The following CFAP251 variants were observed in gnomAD, a reference collection of about 807,000 sequenced individuals.
The protein encoded by CFAP251 is cilia- and flagella-associated protein 251.
A neutral mutation model predicts 126.7 loss-of-function variants in CFAP251; 93 were observed. The ratio of observed to expected loss-of-function variants is 0.73; its 90% CI spans 0.62 to 0.87. The LOEUF (loss-of-function observed/expected upper bound fraction) is 0.87, where lower values mean the gene tolerates loss of function less well. CFAP251 is among the 40% of genes least tolerant of loss of function. The probability of loss-of-function intolerance (pLI) is 0.00; values close to 1 mark genes in which losing one functional copy is unlikely to be tolerated. For missense variants in CFAP251, 1,287 were observed against 1,389.2 expected (o/e 0.93, Z 1.17); for synonymous variants, 503 against 506.9 (o/e 0.99, Z 0.10).
intron 4 of CFAP251, 117 bp downstream of exon 4, chr12:121,932,003 C>T: frequency 1.9e-6 from 2 of 1,066,892 alleles, no homozygotes; most frequent in Non-Finnish European, 2.5e-6. Flanking sequence ...TCCCACTCTC[C>T]TTGGAACTAA....
rs778957006 is a variant in CFAP251 at position 121,957,165 on chromosome 12, G to C, written c.1627G>C (p.Ala543Pro). Residue 543 changes from alanine (A) to proline (P), a missense_variant, in exon 11 of 22, where the codon GCC becomes CCC. Ala to Pro is a conservative substitution (Grantham distance 27). Transcript: ENST00000288912. ...VNWYSHLKLG[A>P]IRTLSFSKTP... is the part of the protein sequence containing the mutation. ...CTGGTACAGTCACTTGAAACTGGGC[G>C]CCATAAGAACTCTGTCCTTTTCAAA... 11 of 1,613,956 alleles carry C rather than the reference G, an allele frequency of 6.8e-6. No individual in the cohort carries two copies. The highest frequency in any genetic ancestry group is 9.3e-6 in the Non-Finnish European group (11 of 1,179,968).
intron 13 of CFAP251, among the ~76,000 whole-genome samples, chr12:121,960,282 A>G (rs1278860281): frequency 6.6e-6 from 1 of 151,960 alleles, no homozygotes. Flanking sequence ...GAAGTGCAAC[A>G]GATCTTGGCT....
At chr12:121,962,287 AGAG>A in intron 15 of CFAP251, 125 bp downstream of exon 15, 1 of 850,266 alleles carries the variant, frequency 1.2e-6, no homozygotes, top group Non-Finnish European at 1.8e-6. Context: ...TTTGCTTTGC[AGAG>A]GAGGAGACTG....
chr12:121,975,602 A>G lies in CFAP251; in HGVS notation c.2923A>G (p.Thr975Ala), dbSNP rs564088590. The change falls in exon 19 of 22, where the codon ACC becomes GCC. Residue 975 changes from threonine to alanine, a missense_variant. Thr to Ala is a moderately conservative substitution (Grantham distance 58). Transcript: ENST00000288912. ...CAGTCAAGGCATCGACACAATGGAG[A>G]CCAGAAAGGTGTCAGAACACATTTG... Reference protein sequence around the residue: ...LRSQGIDTMETRKVSEHICLS... With the variant: ...LRSQGIDTMEARKVSEHICLS... 10 of 1,604,482 alleles carry G rather than the reference A, an allele frequency of 6.2e-6. No individual in the cohort carries two copies. The South Asian group carries it at 1.1e-4, about 18-fold the overall frequency.
Position 121,963,972 on chromosome 12 carries a change from C to T in CFAP251, c.2492+1810C>T, listed in dbSNP as rs192910833. Among the ~76,000 whole-genome samples the T allele has an allele frequency of 2.2e-3, 334 of 151,948 alleles. 1 individual carries two copies. The highest frequency in any genetic ancestry group is 9.8e-3 in the South Asian group (47 of 4,804). ...AAGAAGGATGGAGGCAGGAGAAGTT[C>T]GAAGGGAGAATGTTTCAGTGATCCA... is the stretch of plus-strand genomic sequence containing the variant. On this transcript the variant is annotated intron_variant, in intron 15 of 21. Transcript: ENST00000288912.
rs752656854 is a variant in CFAP251 at position 122,003,706 on chromosome 12, T to C, written c.3392T>C (p.Phe1131Ser). The change falls in exon 22 of 22, where the codon TTC becomes TCC. Residue 1131 changes from phenylalanine to serine, a missense_variant. By Grantham distance (155) the Phe-to-Ser change is radical (BLOSUM62 -2). Transcript: ENST00000288912. ...CCAGACGAAATCACTGCAGAAATATTCGCGACTGAAATTCTTGGCTTAACC... is the reference window on the plus strand; with the variant it reads ...CCAGACGAAATCACTGCAGAAATATCCGCGACTGAAATTCTTGGCTTAACC... ...ELPDEITAEI[F>S]ATEILGLTIS... 3.5e-5 allele frequency: 57 copies of C among 1,610,380 alleles called. No individual in the cohort carries two copies. The highest frequency in any genetic ancestry group is 4.5e-5 in the Non-Finnish European group (53 of 1,179,010).
intron 19 of CFAP251, among the ~76,000 whole-genome samples, chr12:121,990,589 A>C (rs1232038647): frequency 6.6e-6 from 1 of 152,128 alleles, no homozygotes; most frequent in Non-Finnish European, 1.5e-5. Context: ...CACCTCTTCC[A>C]GGAAGCCTTC....
chr12:121,923,491 C>G, intron 2 of CFAP251, 131 bp from the exon 3 acceptor site: 1 of 1,226,914 alleles, frequency 8.2e-7, no homozygotes, highest in Admixed American at 2.6e-5. Context: ...AATGTTCCAG[C>G]CTCTTTTAAA....
chr12:121,954,645 A>AAAAAC (rs1881654771), intron 10 of CFAP251, among the ~76,000 whole-genome samples: 1 of 134,244 alleles, frequency 7.4e-6, no homozygotes, highest in Non-Finnish European at 1.7e-5. Context: ...TTAAAAAAAA[A>AAAAAC]AAAAAAAAAA....
intron 19 of CFAP251, among the ~76,000 whole-genome samples, chr12:121,983,072 A>G (rs949315395): frequency 1.3e-5 from 2 of 152,190 alleles, no homozygotes; most frequent in African/African-American, 4.8e-5. Flanking sequence ...CTCTGCTAAT[A>G]AACAATTAGC....
chr12:121,990,565 C>A (rs532641195), intron 19 of CFAP251, among the ~76,000 whole-genome samples: 64 of 152,330 alleles, frequency 4.2e-4, no homozygotes, highest in African/African-American at 1.3e-3. Flanking sequence ...CCCTTCATGG[C>A]TCTGCAGTAG....
intron 10 of CFAP251, among the ~76,000 whole-genome samples, chr12:121,956,656 T>C: frequency 6.6e-6 from 1 of 152,044 alleles, no homozygotes; most frequent in East Asian, 1.9e-4. Context: ...CCACCACACC[T>C]GACTAATTTT....
Position 121,989,117 on chromosome 12 carries a change from G to A in CFAP251, c.3007-10599G>A, listed in dbSNP as rs567128754. ...AGGATCAGGATTTTAGAGAGCTGTG[G>A]ACACAGAATTAGCAAATCCTTGATT... On this transcript the variant is annotated intron_variant, in intron 19 of 21. Coordinates refer to ENST00000288912, the MANE Select transcript of CFAP251 (RefSeq NM_144668.6). This position sits in a 1 kb window ranked among gnomAD's most constrained non-coding sequence, Gnocchi z 4.2. Among the ~76,000 whole-genome samples, 2 of 152,188 alleles carry A rather than the reference G, an allele frequency of 1.3e-5. No individual in the cohort carries two copies. The highest frequency in any genetic ancestry group is 2.9e-5 in the Non-Finnish European group (2 of 68,038).
chr12:121,926,206 C>G (rs1880408420), intron 3 of CFAP251, among the ~76,000 whole-genome samples: 1 of 151,942 alleles, frequency 6.6e-6, no homozygotes, highest in Admixed American at 6.6e-5. Flanking sequence ...CCAGGCTGGA[C>G]TAGAACTCAA....
At chr12:121,983,963 T>G (rs1882687786) in intron 19 of CFAP251, among the ~76,000 whole-genome samples, 1 of 152,190 alleles carries the variant, frequency 6.6e-6, no homozygotes, top group African/African-American at 2.4e-5. Context: ...ATGAAACATT[T>G]CCTACTGAGA....
At chr12:121,946,550 G>A (rs1466930468) in intron 7 of CFAP251, among the ~76,000 whole-genome samples, 2 of 152,108 alleles carry the variant, frequency 1.3e-5, no homozygotes, top group African/African-American at 2.4e-5. Flanking sequence ...GCCCCCAGCT[G>A]ATTTTACAGA....
Position 121,999,902 on chromosome 12 carries a change from G to T in CFAP251, c.3193G>T (p.Ala1065Ser), listed in dbSNP as rs1321145807. The T allele has an allele frequency of 6.2e-7, 1 of 1,614,032 alleles. No homozygotes were observed. Among genetic ancestry groups the T allele is most frequent in the Non-Finnish European group, 8.5e-7 (1 of 1,179,876 alleles). ...LGYTNSKGKKAIRREDFLRLL... is the reference protein window; with the variant it reads ...LGYTNSKGKKSIRREDFLRLL... ...TTATACCAACTCCAAAGGGAAAAAG[G>T]CCATTCGAAGAGAGGACTTCCTGAG... Residue 1065 changes from alanine to serine, a missense_variant, in exon 20 of 22, where the codon GCC (alanine) becomes TCC (serine). By Grantham distance (99) the Ala-to-Ser change is moderately conservative. Transcript: ENST00000288912.
chr12:121,919,893 A>AT (rs1430087235), intron 1 of CFAP251, among the ~76,000 whole-genome samples: 1 of 152,150 alleles, frequency 6.6e-6, no homozygotes, highest in Non-Finnish European at 1.5e-5. Context: ...ATACTTTAAG[A>AT]TTTCCCAGCT....
chr12:121,927,093 G>A (rs564515529), intron 3 of CFAP251, among the ~76,000 whole-genome samples: 15 of 151,988 alleles, frequency 9.9e-5, no homozygotes, highest in African/African-American at 3.1e-4. Context: ...GGCTGTGACT[G>A]CTCCTCTCCT....
Sources: gnomAD v4.1 joint callset for allele counts (sites outside exome capture counted in the v4.1 genomes callset) on GRCh38, gnomAD v4.1.1 for gene constraint, Gnocchi (gnomAD v3.1) non-coding constraint, MANE v1.5 for transcripts, NCBI Gene and HGNC (gene_info 2026-07-23, HGNC 2026-07-21) for gene names.